The following ZZZ3 variants were observed in gnomAD, a reference collection of about 807,000 sequenced individuals.
ZZZ3 encodes zinc finger ZZ-type containing 3, also known as ZZ-type zinc finger-containing protein 3.
ZZZ3 carries 22 observed loss-of-function variants against 95.2 expected under a neutral mutation model. The ratio of observed to expected loss-of-function variants is 0.23; its 90% CI spans 0.17 to 0.33. ZZZ3 has a LOEUF of 0.33. ZZZ3 is among the 10% of genes least tolerant of loss of function. The pLI, the probability that ZZZ3 is intolerant of heterozygous loss-of-function variation, is 1.00. For missense variants in ZZZ3, 885 were observed against 1,066.5 expected (o/e 0.83, Z 2.37); for synonymous variants, 335 against 358.9 (o/e 0.93, Z 0.75).
At chr1:77,582,450 C>T (rs1307690233) in intron 6 of ZZZ3, among the ~76,000 whole-genome samples, 1 of 152,086 alleles carries the variant, frequency 6.6e-6, no homozygotes, top group Admixed American at 6.6e-5. Flanking sequence ...CAATATATAT[C>T]ACCAGTTTCA....
intron 5 of ZZZ3, among the ~76,000 whole-genome samples, chr1:77,601,903 C>T (rs966855847): frequency 1.3e-5 from 2 of 152,062 alleles, no homozygotes; most frequent in African/African-American, 4.8e-5. Context: ...AATCAATAGG[C>T]TATATACTCT....
intron 12 of ZZZ3, among the ~76,000 whole-genome samples, chr1:77,570,663 T>A (rs1661289942): frequency 1.3e-5 from 2 of 149,648 alleles, no homozygotes; most frequent in Non-Finnish European, 3.0e-5. Flanking sequence ...TTTTTATTAT[T>A]TTATTATTAT....
chr1:77,642,587 CA>C (rs59885886), intron 1 of ZZZ3, among the ~76,000 whole-genome samples: 109,057 of 142,696 alleles, frequency 0.76, 40,967 homozygotes, highest in South Asian at 0.9. Flanking sequence ...CTAAACAAAA[CA>C]AAAAAAAAAA....
At chr1:77,572,698 G>A (rs1318298670) in intron 12 of ZZZ3, among the ~76,000 whole-genome samples, 3 of 151,874 alleles carry the variant, frequency 2.0e-5, no homozygotes, top group Admixed American at 6.6e-5. Context: ...ATGCAGTGGC[G>A]TCATCCAGGT....
At chr1:77,622,369 G>GAAAAAAAAAAAAA (rs1557735195) in intron 5 of ZZZ3, among the ~76,000 whole-genome samples, 1 of 71,170 alleles carries the variant, frequency 1.4e-5, no homozygotes, top group African/African-American at 5.3e-5. Context: ...ATGAAAAATA[G>GAAAAAAAAAAAAA]CAAAAAAAAA....
chr1:77,624,535 G>A lies in ZZZ3; in HGVS notation c.1505+7315C>T, dbSNP rs142301239. Among the ~76,000 whole-genome samples, 17 of 152,068 alleles carry A rather than the reference G, an allele frequency of 1.1e-4. No homozygotes were observed. In the East Asian group the frequency reaches 2.7e-3, roughly 24 times the overall value. On this transcript the variant is annotated intron_variant, in intron 5 of 14. Transcript: ENST00000370801. ...CTACTAGATTGGTGAACACATCTAC[G>A]AGCTATGAGGGTTGCTGACCCAAAC... is the stretch of plus-strand genomic sequence containing the variant.
At chr1:77,619,537 C>T (rs1039608542) in intron 5 of ZZZ3, among the ~76,000 whole-genome samples, 1 of 152,156 alleles carries the variant, frequency 6.6e-6, no homozygotes, top group African/African-American at 2.4e-5. Context: ...CTTCTAATGC[C>T]TACTGGCAAA....
intron 5 of ZZZ3, among the ~76,000 whole-genome samples, chr1:77,604,442 T>C (rs548610896): frequency 6.6e-6 from 1 of 152,314 alleles, no homozygotes; most frequent in South Asian, 2.1e-4. Flanking sequence ...ACAAAGATAA[T>C]ATATAATTGC....
chr1:77,614,296 T>C lies in ZZZ3; in HGVS notation c.1505+17554A>G, dbSNP rs187485655. ...AGCAACTACAGATGCCACGTAATCA[T>C]AGAGTAACAAGGCTAGAAGTTACCA... is the stretch of plus-strand genomic sequence containing the variant. On this transcript the variant is annotated intron_variant, in intron 5 of 14. Coordinates refer to ENST00000370801, the MANE Select transcript of ZZZ3 (RefSeq NM_015534.6). 2.4e-3 allele frequency among the ~76,000 whole-genome samples: 372 copies of C among 152,272 alleles called. 2 individuals carry two copies. Among genetic ancestry groups the C allele is most frequent in the African/African-American group, 8.6e-3 (357 of 41,566 alleles).
At chr1:77,579,318 A>G (rs1408207759) in intron 10 of ZZZ3, among the ~76,000 whole-genome samples, 1 of 152,204 alleles carries the variant, frequency 6.6e-6, no homozygotes, top group Non-Finnish European at 1.5e-5. Context: ...TCATTTTTTA[A>G]TATTTCGTAA....
intron 1 of ZZZ3, among the ~76,000 whole-genome samples, chr1:77,644,932 T>C (rs1167195701): frequency 6.6e-6 from 1 of 152,202 alleles, no homozygotes; most frequent in Non-Finnish European, 1.5e-5. Context: ...TCTAAAACTT[T>C]AGTGTTCGGG....
At chr1:77,611,328 CTA>C (rs1451530045) in intron 5 of ZZZ3, among the ~76,000 whole-genome samples, 2 of 147,336 alleles carry the variant, frequency 1.4e-5, no homozygotes, top group Non-Finnish European at 3.0e-5. Flanking sequence ...ACGCTGAAAA[CTA>C]TAAAATACTG....
intron 4 of ZZZ3, among the ~76,000 whole-genome samples, chr1:77,634,681 G>C (rs1570567999): frequency 6.6e-6 from 1 of 152,138 alleles, no homozygotes; most frequent in Non-Finnish European, 1.5e-5. Flanking sequence ...GAGATGAGCA[G>C]GTATTCTGGT....
chr1:77,678,310 A>G (rs1226081256), intron 1 of ZZZ3, among the ~76,000 whole-genome samples: 1 of 152,184 alleles, frequency 6.6e-6, no homozygotes, highest in African/African-American at 2.4e-5. Context: ...AGGTTAAAAT[A>G]ATAAAACAAA....
intron 1 of ZZZ3, among the ~76,000 whole-genome samples, chr1:77,659,697 A>G (rs1001681647): frequency 6.6e-6 from 1 of 151,766 alleles, no homozygotes; most frequent in African/African-American, 2.4e-5. Context: ...AAAAAAAAAA[A>G]AAAGAAAAAG....
rs191429076 is a variant in ZZZ3 at position 77,649,237 on chromosome 1, T to C, written c.-402-7582A>G. Among the ~76,000 whole-genome samples, 137 of 149,872 alleles carry C rather than the reference T, an allele frequency of 9.1e-4. 2 individuals are homozygous for C. Among genetic ancestry groups the C allele is most frequent in the African/African-American group, 2.9e-3 (119 of 40,760 alleles). ...GCTTAAAAATCAATAATATAAAGAA[T>C]ATCTTAAAAGCAGAGAAAAACAACA... On this transcript the variant is annotated intron_variant, in intron 1 of 14. Transcript: ENST00000370801.
chr1:77,675,153 T>A (rs1171861392), intron 1 of ZZZ3, among the ~76,000 whole-genome samples: 8 of 152,068 alleles, frequency 5.3e-5, no homozygotes, highest in African/African-American at 1.9e-4. Context: ...TCAAGGGCTA[T>A]TAGTGGATAA....
chr1:77,669,230 C>T (rs987429169), intron 1 of ZZZ3, among the ~76,000 whole-genome samples: 1 of 152,172 alleles, frequency 6.6e-6, no homozygotes, highest in African/African-American at 2.4e-5. Flanking sequence ...TTGTCAGTAT[C>T]ATCATGGAAC....
intron 4 of ZZZ3, among the ~76,000 whole-genome samples, chr1:77,633,898 G>A (rs367579098): frequency 2.0e-5 from 3 of 152,100 alleles, no homozygotes; most frequent in Non-Finnish European, 2.9e-5. Context: ...TCGGCCGGGC[G>A]CAGTGGCTCA....
Sources: gnomAD v4.1 joint callset for allele counts (sites outside exome capture counted in the v4.1 genomes callset) on GRCh38, gnomAD v4.1.1 for gene constraint, MANE v1.5 for transcripts, NCBI Gene and HGNC (gene_info 2026-07-23, HGNC 2026-07-21) for gene names.